The following ALMS1 variants were observed in gnomAD, a reference collection of about 807,000 sequenced individuals.
ALMS1 encodes centrosome-associated protein ALMS1.
A neutral mutation model predicts 352.2 loss-of-function variants in ALMS1; 271 were observed. The observed-to-expected ratio is 0.77, with a 90% confidence interval of 0.70 to 0.85. The LOEUF is 0.85. ALMS1 is among the 40% of genes least tolerant of loss of function. The probability of loss-of-function intolerance (pLI) is 0.00; values close to 1 mark genes in which losing one functional copy is unlikely to be tolerated. For missense variants in ALMS1, 5,445 were observed against 4,870.7 expected (o/e 1.12, Z -3.51); for synonymous variants, 1,865 against 1,761.2 (o/e 1.06, Z -1.48).
intron 16 of ALMS1, among the ~76,000 whole-genome samples, chr2:73,585,594 C>T (rs1056537304): frequency 6.6e-6 from 1 of 151,034 alleles, no homozygotes; most frequent in African/African-American, 2.5e-5. Context: ...TGGGGTTTCA[C>T]TGTCTGAGCC....
chr2:73,491,533 G>C, intron 10 of ALMS1, 35 bp downstream of exon 10: 1 of 1,606,106 alleles, frequency 6.2e-7, no homozygotes, highest in Non-Finnish European at 8.5e-7. Flanking sequence ...AAGCTGGATG[G>C]ACTTTGTAAT....
chr2:73,444,210 A>G lies in ALMS1; in HGVS notation c.1433-3750A>G, dbSNP rs1469680661. On this transcript the variant is annotated intron_variant, in intron 7 of 22. Transcript: ENST00000613296. ...GGGCAGGACTTTGAAGGGTTCTCTT[A>G]AAGATGAGGAGCCTGGAAGCAAGAT... is the stretch of plus-strand genomic sequence containing the variant. Among the ~76,000 whole-genome samples, 3 of 152,290 alleles carry G rather than the reference A, an allele frequency of 2.0e-5. No homozygotes were observed. The East Asian group carries it at 5.8e-4, about 29-fold the overall frequency.
At chr2:73,593,527 G>C (rs991717554) in intron 16 of ALMS1, among the ~76,000 whole-genome samples, 2 of 152,152 alleles carry the variant, frequency 1.3e-5, no homozygotes, top group Non-Finnish European at 2.9e-5. Flanking sequence ...AGACTTCATA[G>C]TCCACATTTT....
intron 11 of ALMS1, among the ~76,000 whole-genome samples, chr2:73,533,395 A>G (rs1313759317): frequency 6.6e-6 from 1 of 152,210 alleles, no homozygotes; most frequent in Non-Finnish European, 1.5e-5. Flanking sequence ...GCTGAGTTGC[A>G]TATCTGGTGG....
chr2:73,561,348 G>T (rs1674658932), intron 15 of ALMS1, among the ~76,000 whole-genome samples: 1 of 152,164 alleles, frequency 6.6e-6, no homozygotes. Flanking sequence ...TGTGTTGAAG[G>T]AGTGCTGGGA....
intron 1 of ALMS1, among the ~76,000 whole-genome samples, chr2:73,395,062 A>ATATATATATGTG: frequency 1.2e-5 from 1 of 84,788 alleles, no homozygotes; most frequent in African/African-American, 6.9e-5. Context: ...ATATATGTGT[A>ATATATATATGTG]TATATATATA....
chr2:73,442,362 A>G (rs1164700538), intron 7 of ALMS1, among the ~76,000 whole-genome samples: 3 of 152,082 alleles, frequency 2.0e-5, no homozygotes, highest in East Asian at 1.9e-4. Context: ...CTATTATTCT[A>G]TTTGCTATCT....
In ALMS1 at chr2:73,451,908, A is replaced by G. The variant is rs1025710199; in HGVS notation, c.5381A>G (p.Gln1794Arg). The G allele has an allele frequency of 8.7e-6, 14 of 1,614,040 alleles. No individual in the cohort carries two copies. The highest frequency in any genetic ancestry group is 2.2e-5 in the East Asian group (1 of 44,892). ...TCAAATGTTCCTGGACCAGCTGACC[A>G]GAAGACTGGGGTATCAACAGTAACC... is the stretch of plus-strand genomic sequence containing the variant. ...KVSNVPGPAD[Q>R]KTGVSTVTST... Residue 1794 changes from glutamine (Q) to arginine (R), a missense_variant, in exon 8 of 23, where the codon CAG (glutamine) becomes CGG (arginine). By Grantham distance (43) the Gln-to-Arg change is conservative. Transcript: ENST00000613296.
At chr2:73,551,301 T>G (rs1428023130) in intron 13 of ALMS1, among the ~76,000 whole-genome samples, 5 of 152,294 alleles carry the variant, frequency 3.3e-5, no homozygotes, top group African/African-American at 1.2e-4. Context: ...GAGCCATGGC[T>G]GTCCCCCTGC....
At chr2:73,608,730 G>A (rs1203503747) in intron 22 of ALMS1, among the ~76,000 whole-genome samples, 156 bp downstream of exon 22, 1 of 152,180 alleles carries the variant, frequency 6.6e-6, no homozygotes, top group Non-Finnish European at 1.5e-5. Flanking sequence ...TTTGGAAGAA[G>A]GCATCTGTAA....
At chr2:73,472,373 G>A (rs1672485408) in intron 9 of ALMS1, among the ~76,000 whole-genome samples, 1 of 152,054 alleles carries the variant, frequency 6.6e-6, no homozygotes, top group African/African-American at 2.4e-5. Flanking sequence ...TTTCTTTAGA[G>A]TAGAATATTT....
rs116286353 is a variant in ALMS1, at chr2:73,467,220, G to T, written c.7674+11925G>T. ...AAGTCAAGCTACACAGTGGAAGAGG[G>T]TATTTCGGATACATATATTTGATAA... On this transcript the variant is annotated intron_variant, in intron 9 of 22. Coordinates refer to ENST00000613296, the MANE Select transcript of ALMS1 (RefSeq NM_001378454.1). 3.6e-3 allele frequency among the ~76,000 whole-genome samples: 545 copies of T among 152,230 alleles called. 1 individual carries two copies. Among genetic ancestry groups the T allele is most frequent in the Non-Finnish European group, 6.4e-3 (433 of 67,988 alleles).
At position 73,573,026 on chromosome 2, in the gene ALMS1, G is replaced by A. The variant is rs2104106711; in HGVS notation, c.11149G>A (p.Asp3717Asn). The A allele has an allele frequency of 6.2e-7, 1 of 1,614,010 alleles. No individual in the cohort carries two copies. Among genetic ancestry groups the A allele is most frequent in the East Asian group, 2.2e-5 (1 of 44,870 alleles). Residue 3717 changes from aspartate to asparagine, a missense_variant, in exon 16 of 23, where the codon GAT becomes AAT. Coordinates refer to ENST00000613296, the MANE Select transcript of ALMS1 (RefSeq NM_001378454.1). ...AATTAAAATTGAACAGATTAAATTT[G>A]ATAAATATATTCTGAGTAAACAGCC... The part of the protein sequence containing the change: ...NQIKIEQIKF[D>N]KYILSKQPGF...
Position 73,448,089 on chromosome 2 carries a change from C to G in ALMS1, c.1562C>G (p.Ala521Gly), listed in dbSNP as rs1042904406. ...SLSLEDLSQL[A>G]VSSPLETTTG... ...TCCCTTGAGGACCTGTCTCAGTTGG[C>G]TGTAAGTTCTCCTCTAGAAACTACT... Residue 521 changes from alanine (A) to glycine (G), a missense_variant, in exon 8 of 23, where the codon GCT (alanine) becomes GGT (glycine). By Grantham distance (60) the Ala-to-Gly change is moderately conservative (BLOSUM62 0). Transcript: ENST00000613296. The G allele has an allele frequency of 1.3e-6, 2 of 1,581,370 alleles. No homozygotes were observed. The highest frequency in any genetic ancestry group is 8.5e-7 in the Non-Finnish European group (1 of 1,170,560).
intron 16 of ALMS1, among the ~76,000 whole-genome samples, chr2:73,595,393 G>C (rs1448921098): frequency 6.6e-6 from 1 of 152,160 alleles, no homozygotes; most frequent in African/African-American, 2.4e-5. Flanking sequence ...TATGTATATA[G>C]CATCAGATGT....
chr2:73,431,848 A>C (rs1671506006), intron 6 of ALMS1, among the ~76,000 whole-genome samples: 1 of 152,226 alleles, frequency 6.6e-6, no homozygotes, highest in African/African-American at 2.4e-5. Context: ...CCATGGTTCA[A>C]ATTCTGCGAT....
intron 9 of ALMS1, chr2:73,462,909 A>G (rs974874824): frequency 2.0e-5 from 3 of 152,182 alleles, no homozygotes; most frequent in Admixed American, 6.5e-5. Flanking sequence ...AGAACTAACT[A>G]TCTTAAATAT....
intron 7 of ALMS1, among the ~76,000 whole-genome samples, chr2:73,436,332 T>C (rs918777568): frequency 3.9e-5 from 6 of 152,222 alleles, no homozygotes; most frequent in Admixed American, 2.0e-4. Flanking sequence ...ACTTTCAGTA[T>C]CTTGATTATG....
At chr2:73,516,069 A>C (rs936330707) in intron 10 of ALMS1, among the ~76,000 whole-genome samples, 5 of 152,164 alleles carry the variant, frequency 3.3e-5, no homozygotes, top group African/African-American at 9.6e-5. Context: ...TCTAATATCC[A>C]GAATCTGTAA....
Sources: gnomAD v4.1 joint callset for allele counts (sites outside exome capture counted in the v4.1 genomes callset) on GRCh38, gnomAD v4.1.1 for gene constraint, MANE v1.5 for transcripts, NCBI Gene and HGNC (gene_info 2026-07-23, HGNC 2026-07-21) for gene names.